Variants in SPEM3 observed in about 807,000 individuals in gnomAD.
SPEM3 encodes uncharacterized protein SPEM3.
chr17:7,431,640 T>C lies in SPEM3; in HGVS notation c.2469T>C (p.Asp823=), dbSNP rs775650109. ...AGACTGTGATCTACAAAAATCAAGA[T>C]CTCTCCCAAGCAACTGACCACCAAA... is the stretch of plus-strand genomic sequence containing the variant. ...NQETVIYKNQ[D]LSQATDHQKN... Residue 823 remains aspartate (D), a synonymous_variant, in exon 3 of 3, where the codon GAT becomes GAC. Coordinates refer to ENST00000636696, the MANE Select transcript of SPEM3 (RefSeq NM_001364708.1). 8 of 398,312 alleles carry C rather than the reference T, an allele frequency of 2.0e-5. No homozygotes were observed. The highest frequency in any genetic ancestry group is 3.5e-5 in the Non-Finnish European group (8 of 226,048). The allele number at this position is 398,312 out of a possible 1,614,324, so 24.7% of individuals were successfully genotyped here.
Position 7,430,778 on chromosome 17 carries a change from C to T in SPEM3, c.1607C>T (p.Thr536Ile). 2 of 398,668 alleles carry T rather than the reference C, an allele frequency of 5.0e-6. No individual in the cohort carries two copies. The highest frequency in any genetic ancestry group is 4.4e-6 in the Non-Finnish European group (1 of 226,118). 24.7% of individuals were successfully genotyped at this position (398,668 alleles called of 1,614,324 possible). ...GATGCCAAAGATAAGTTCCCCCAGA[C>T]CAAGACTTCCCCTTACTGCAGCTTC... is the stretch of plus-strand genomic sequence containing the variant. ...SDDAKDKFPQ[T>I]KTSPYCSFHP... The change falls in exon 3 of 3, where the codon ACC (threonine) becomes ATC (isoleucine). Residue 536 changes from threonine (T) to isoleucine (I), a missense_variant. Transcript: ENST00000636696.
In SPEM3 at chr17:7,431,963, G is replaced by GC. The variant is rs1265928244; in HGVS notation, c.2794dup (p.Leu932ProfsTer15). 7.5e-6 allele frequency: 3 copies of GC among 398,368 alleles called. No individual in the cohort carries two copies. Among genetic ancestry groups the GC allele is most frequent in the Non-Finnish European group, 1.3e-5 (3 of 226,064 alleles). The allele number at this position is 398,368 out of a possible 1,614,324, so 24.7% of individuals were successfully genotyped here. ...GATTGTGGTGGCCACAAAGTTAAAGGCCTTACTCAAGATTCCAACCTCCCA... is the reference window on the plus strand; with the variant it reads ...GATTGTGGTGGCCACAAAGTTAAAGGCCCTTACTCAAGATTCCAACCTCCCA... On this transcript the variant is annotated frameshift_variant, in exon 3 of 3. Coordinates refer to ENST00000636696, the MANE Select transcript of SPEM3 (RefSeq NM_001364708.1). LOFTEE classifies it low-confidence loss of function (END_TRUNC).
chr17:7,429,136 G>A lies in SPEM3; in HGVS notation c.139-54G>A, dbSNP rs901862937. ...GTTGGGGTGTGGCCAGATAAGAGTT[G>A]GACTTAGGGGCTCACCCTGCTTCCG... On this transcript the variant is annotated intron_variant, in intron 1 of 2. Coordinates refer to ENST00000636696, the MANE Select transcript of SPEM3 (RefSeq NM_001364708.1). The surrounding 1 kb of genome is among the most constrained non-coding windows in gnomAD (Gnocchi z 4.9). 8 of 398,504 alleles carry A rather than the reference G, an allele frequency of 2.0e-5. No homozygotes were observed. The highest frequency in any genetic ancestry group is 1.6e-4 in the African/African-American group (8 of 48,608). The allele number at this position is 398,504 out of a possible 1,614,324, so 24.7% of individuals were successfully genotyped here. A position where few individuals can be genotyped will look rare whatever the true frequency, so the allele number is the denominator to read the frequency against.
chr17:7,428,980 G>T lies in SPEM3; in HGVS notation c.78G>T (p.Ser26=). Reference sequence around the variant, plus strand: ...GGAAGTGCCAGGACTTAGGAGACTCGATTCTTCTTCTTCTGGGCAGCTTCA... The same window carrying T: ...GGAAGTGCCAGGACTTAGGAGACTCTATTCTTCTTCTTCTGGGCAGCTTCA... The part of the protein sequence containing the change: ...NPRKCQDLGD[S]ILLLLGSFIL... The change falls in exon 1 of 3, where the codon TCG becomes TCT. Residue 26 remains serine, a synonymous_variant. Transcript: ENST00000636696. The T allele has an allele frequency of 5.0e-6, 2 of 398,962 alleles. No individual in the cohort carries two copies. The highest frequency in any genetic ancestry group is 8.8e-6 in the Non-Finnish European group (2 of 226,158). 24.7% of individuals were successfully genotyped at this position (398,962 alleles called of 1,614,324 possible). A position where few individuals can be genotyped will look rare whatever the true frequency, so the allele number is the denominator to read the frequency against.
At position 7,432,495 on chromosome 17, in the gene SPEM3, A is replaced by G. The variant is rs1406700980; in HGVS notation, c.3324A>G (p.Ala1108=). 1 of 398,574 alleles carries G rather than the reference A, an allele frequency of 2.5e-6. No homozygotes were observed. Among genetic ancestry groups the G allele is most frequent in the Admixed American group, 4.4e-5 (1 of 22,714 alleles). The allele number at this position is 398,574 out of a possible 1,614,324, so 24.7% of individuals were successfully genotyped here. A position where few individuals can be genotyped will look rare whatever the true frequency, so the allele number is the denominator to read the frequency against. The change falls in exon 3 of 3, where the codon GCA becomes GCG. Residue 1108 remains alanine, a synonymous_variant. Coordinates refer to ENST00000636696, the MANE Select transcript of SPEM3 (RefSeq NM_001364708.1). This position sits in a 1 kb window ranked among gnomAD's most constrained non-coding sequence, Gnocchi z 4.1. ...AGCTGCAGTCATCCTCCTGGCGGGC[A>G]GGCAGCCAGCACGGGGCGTACCGCC... ...LIELQSSSWR[A]GSQHGAYRPV... is the part of the protein sequence containing the mutation.
Position 7,429,377 on chromosome 17 carries a change from C to T in SPEM3, c.206C>T (p.Pro69Leu). ...FRHFFPKDKQPSGSHPICICS... is the reference protein window; with the variant it reads ...FRHFFPKDKQLSGSHPICICS... ...CTACCTCTCCCTGCAGACAAGCAGC[C>T]CAGCGGCAGCCATCCCATATGTATT... The change falls in exon 3 of 3, where the codon CCC becomes CTC. Residue 69 changes from proline (P) to leucine (L), a missense_variant. Pro to Leu is a moderately conservative substitution (Grantham distance 98, BLOSUM62 -3). Coordinates refer to ENST00000636696, the MANE Select transcript of SPEM3 (RefSeq NM_001364708.1). This position sits in a 1 kb window ranked among gnomAD's most constrained non-coding sequence, Gnocchi z 4.9. 1 of 398,662 alleles carries T rather than the reference C, an allele frequency of 2.5e-6. No individual in the cohort carries two copies. The highest frequency in any genetic ancestry group is 4.4e-6 in the Non-Finnish European group (1 of 226,112). The allele number at this position is 398,662 out of a possible 1,614,324, so 24.7% of individuals were successfully genotyped here.
chr17:7,431,284 A>G lies in SPEM3; in HGVS notation c.2113A>G (p.Thr705Ala), dbSNP rs539319591. Residue 705 changes from threonine (T) to alanine (A), a missense_variant, in exon 3 of 3, where the codon ACC becomes GCC. Physicochemically the swap from Thr to Ala is moderately conservative, Grantham distance 58 (BLOSUM62 0). Coordinates refer to ENST00000636696, the MANE Select transcript of SPEM3 (RefSeq NM_001364708.1). ...AGACCTCTACAAGAACCCAGGCCTT[A>G]CCCAAGATCCAGGCCTCCACGAGAA... ...NPDLYKNPGL[T>A]QDPGLHENPG... The G allele has an allele frequency of 8.0e-5, 32 of 398,480 alleles. No individual in the cohort carries two copies. Among genetic ancestry groups the G allele is most frequent in the Non-Finnish European group, 1.2e-4 (27 of 226,042 alleles). 24.7% of individuals were successfully genotyped at this position (398,480 alleles called of 1,614,324 possible).
In SPEM3 at chr17:7,430,006, C is replaced by G; in HGVS notation, c.835C>G (p.His279Asp). The change falls in exon 3 of 3, where the codon CAC becomes GAC. Residue 279 changes from histidine (H) to aspartate (D), a missense_variant. Physicochemically the swap from His to Asp is moderately conservative, Grantham distance 81. Coordinates refer to ENST00000636696, the MANE Select transcript of SPEM3 (RefSeq NM_001364708.1). ...SAPTPAQTPA[H>D]IQAHTPAPTP... Reference sequence around the variant, plus strand: ...CCCTACCCCAGCTCAGACGCCAGCCCACATCCAAGCTCACACCCCAGCCCC... The same window carrying G: ...CCCTACCCCAGCTCAGACGCCAGCCGACATCCAAGCTCACACCCCAGCCCC... 1 of 424,582 alleles carries G rather than the reference C, an allele frequency of 2.4e-6. No individual in the cohort carries two copies. 26.3% of individuals were successfully genotyped at this position (424,582 alleles called of 1,614,324 possible).
rs1907803409 is a variant in SPEM3 at position 7,430,632 on chromosome 17, C to T, written c.1461C>T (p.Asp487=). The T allele has an allele frequency of 2.5e-6, 1 of 398,658 alleles. No homozygotes were observed. Among genetic ancestry groups the T allele is most frequent in the Non-Finnish European group, 4.4e-6 (1 of 226,126 alleles). The allele number at this position is 398,658 out of a possible 1,614,324, so 24.7% of individuals were successfully genotyped here. A position where few individuals can be genotyped will look rare whatever the true frequency, so the allele number is the denominator to read the frequency against. ...ATLFRPQEGQ[D]LVSSGISEQT... ...TCTTCAGGCCCCAAGAGGGTCAGGA[C>T]CTGGTGAGTTCTGGCATATCTGAGC... The change falls in exon 3 of 3, where the codon GAC becomes GAT. Residue 487 remains aspartate, a synonymous_variant. Transcript: ENST00000636696.
Position 7,429,147 on chromosome 17 carries a change from C to T in SPEM3, c.139-43C>T, listed in dbSNP as rs537114057. ...GCCAGATAAGAGTTGGACTTAGGGGCTCACCCTGCTTCCGGACTCACCTGC... is the reference window on the plus strand; with the variant it reads ...GCCAGATAAGAGTTGGACTTAGGGGTTCACCCTGCTTCCGGACTCACCTGC... On this transcript the variant is annotated intron_variant, in intron 1 of 2. Coordinates refer to ENST00000636696, the MANE Select transcript of SPEM3 (RefSeq NM_001364708.1). This position sits in a 1 kb window ranked among gnomAD's most constrained non-coding sequence, Gnocchi z 4.9. 3 of 398,566 alleles carry T rather than the reference C, an allele frequency of 7.5e-6. No individual in the cohort carries two copies. Among genetic ancestry groups the T allele is most frequent in the African/African-American group, 6.2e-5 (3 of 48,712 alleles). The allele number at this position is 398,566 out of a possible 1,614,324, so 24.7% of individuals were successfully genotyped here. A position where few individuals can be genotyped will look rare whatever the true frequency, so the allele number is the denominator to read the frequency against.
In SPEM3 at chr17:7,432,438, G is replaced by A. The variant is rs1317299584; in HGVS notation, c.3267G>A (p.Leu1089=). 5.0e-6 allele frequency: 2 copies of A among 398,576 alleles called. No individual in the cohort carries two copies. The highest frequency in any genetic ancestry group is 8.8e-6 in the Non-Finnish European group (2 of 226,096). The allele number at this position is 398,576 out of a possible 1,614,324, so 24.7% of individuals were successfully genotyped here. ...AGGCCCAAGTGGTCTCCAATGACCT[G>A]CAGACCTTCTCAGAGGTACCTGTAT... ...PSKAQVVSND[L]QTFSEVPVLI... Residue 1089 remains leucine (L), a synonymous_variant, in exon 3 of 3, where the codon CTG becomes CTA. Coordinates refer to ENST00000636696, the MANE Select transcript of SPEM3 (RefSeq NM_001364708.1). This position sits in a 1 kb window ranked among gnomAD's most constrained non-coding sequence, Gnocchi z 4.1.
rs1380707072 is a variant in SPEM3, at chr17:7,432,511, G to A, written c.3340G>A (p.Ala1114Thr). The change falls in exon 3 of 3, where the codon GCG (alanine) becomes ACG (threonine). Residue 1114 changes from alanine to threonine, a missense_variant. By Grantham distance (58) the Ala-to-Thr change is moderately conservative. Coordinates refer to ENST00000636696, the MANE Select transcript of SPEM3 (RefSeq NM_001364708.1). The surrounding 1 kb of genome is among the most constrained non-coding windows in gnomAD (Gnocchi z 4.1). ...CTGGCGGGCAGGCAGCCAGCACGGG[G>A]CGTACCGCCCTGTGGATACAGTTCC... ...SSWRAGSQHG[A>T]YRPVDTVPSG... The A allele has an allele frequency of 5.0e-6, 2 of 398,644 alleles. No homozygotes were observed. Among genetic ancestry groups the A allele is most frequent in the Non-Finnish European group, 8.8e-6 (2 of 226,140 alleles). The allele number at this position is 398,644 out of a possible 1,614,324, so 24.7% of individuals were successfully genotyped here.
rs1051339344 is a variant in SPEM3 at position 7,430,991 on chromosome 17, T to C, written c.1820T>C (p.Val607Ala). Residue 607 changes from valine to alanine, a missense_variant, in exon 3 of 3, where the codon GTC becomes GCC. Physicochemically the swap from Val to Ala is moderately conservative, Grantham distance 64. Coordinates refer to ENST00000636696, the MANE Select transcript of SPEM3 (RefSeq NM_001364708.1). ...SLPLVPPRSF[V>A]PPQPTNHQRP... ...CCTCTCGTTCCTCCCAGATCCTTTG[T>C]CCCTCCTCAACCCACCAACCATCAG... 1.8e-5 allele frequency: 7 copies of C among 398,788 alleles called. No homozygotes were observed. The highest frequency in any genetic ancestry group is 3.1e-5 in the Non-Finnish European group (7 of 226,320). 24.7% of individuals were successfully genotyped at this position (398,788 alleles called of 1,614,324 possible). A position where few individuals can be genotyped will look rare whatever the true frequency, so the allele number is the denominator to read the frequency against.
In SPEM3 at chr17:7,431,745, AG is replaced by A; in HGVS notation, c.2576del (p.Gly859AlafsTer169). The A allele has an allele frequency of 2.5e-6, 1 of 398,670 alleles. No homozygotes were observed. Among genetic ancestry groups the A allele is most frequent in the East Asian group, 3.6e-5 (1 of 28,084 alleles). The allele number at this position is 398,670 out of a possible 1,614,324, so 24.7% of individuals were successfully genotyped here. ...VQDPGVCSTA[G>X]LTEDSGSQKG... ...AAGATCCAGGAGTCTGTAGTACCGC[AG>A]GCCTTACTGAAGATTCTGGATCACA... On this transcript the variant is annotated frameshift_variant, in exon 3 of 3. Coordinates refer to ENST00000636696, the MANE Select transcript of SPEM3 (RefSeq NM_001364708.1). LOFTEE classifies it low-confidence loss of function (END_TRUNC).
In SPEM3 at chr17:7,430,422, C is replaced by G. The variant is rs1487382181; in HGVS notation, c.1251C>G (p.Val417=). ...TCATGGCCCTGACTACCACTCCTGT[C>G]CCTGATCCTGTCCCTGCCACCACCC... ...ALVMALTTTP[V]PDPVPATTPA... Residue 417 remains valine, a synonymous_variant, in exon 3 of 3, where the codon GTC becomes GTG. Transcript: ENST00000636696. The G allele has an allele frequency of 4.9e-6, 2 of 404,906 alleles. No individual in the cohort carries two copies. Among genetic ancestry groups the G allele is most frequent in the Non-Finnish European group, 8.7e-6 (2 of 230,244 alleles). 25.1% of individuals were successfully genotyped at this position (404,906 alleles called of 1,614,324 possible). A position where few individuals can be genotyped will look rare whatever the true frequency, so the allele number is the denominator to read the frequency against.
rs1597734922 is a variant in SPEM3 at position 7,429,738 on chromosome 17, G to T, written c.567G>T (p.Leu189=). 2 of 399,308 alleles carry T rather than the reference G, an allele frequency of 5.0e-6. No homozygotes were observed. Among genetic ancestry groups the T allele is most frequent in the Non-Finnish European group, 8.8e-6 (2 of 226,646 alleles). 24.7% of individuals were successfully genotyped at this position (399,308 alleles called of 1,614,324 possible). A position where few individuals can be genotyped will look rare whatever the true frequency, so the allele number is the denominator to read the frequency against. Residue 189 remains leucine (L), a synonymous_variant, in exon 3 of 3, where the codon CTG becomes CTT. Transcript: ENST00000636696. The surrounding 1 kb of genome is among the most constrained non-coding windows in gnomAD (Gnocchi z 4.9). Reference sequence around the variant, plus strand: ...AGTTGGACACGGGTCCATGCCACCTGCCCCAAGAGAGCAAGACTAAGACCC... The same window carrying T: ...AGTTGGACACGGGTCCATGCCACCTTCCCCAAGAGAGCAAGACTAAGACCC... The part of the protein sequence containing the change: ...MSKLDTGPCH[L]PQESKTKTPD...
chr17:7,431,315 G>A lies in SPEM3; in HGVS notation c.2144G>A (p.Gly715Asp), dbSNP rs551668044. Residue 715 changes from glycine to aspartate, a missense_variant, in exon 3 of 3, where the codon GGT (glycine) becomes GAT (aspartate). By Grantham distance (94) the Gly-to-Asp change is moderately conservative. Transcript: ENST00000636696. ...TQDPGLHENP[G>D]LAPNQGLHEF... ...GATCCAGGCCTCCACGAGAACCCAG[G>A]TCTTGCTCCAAATCAAGGCCTACAT... is the stretch of plus-strand genomic sequence containing the variant. 1 of 398,392 alleles carries A rather than the reference G, an allele frequency of 2.5e-6. No individual in the cohort carries two copies. The highest frequency in any genetic ancestry group is 3.6e-5 in the East Asian group (1 of 28,062). The allele number at this position is 398,392 out of a possible 1,614,324, so 24.7% of individuals were successfully genotyped here.
chr17:7,430,424 C>G lies in SPEM3; in HGVS notation c.1253C>G (p.Pro418Arg). ...LVMALTTTPVPDPVPATTPAP... is the reference protein window; with the variant it reads ...LVMALTTTPVRDPVPATTPAP... ...ATGGCCCTGACTACCACTCCTGTCC[C>G]TGATCCTGTCCCTGCCACCACCCCT... The change falls in exon 3 of 3, where the codon CCT becomes CGT. Residue 418 changes from proline to arginine, a missense_variant. Coordinates refer to ENST00000636696, the MANE Select transcript of SPEM3 (RefSeq NM_001364708.1). The G allele has an allele frequency of 2.5e-6, 1 of 404,880 alleles. No homozygotes were observed. The highest frequency in any genetic ancestry group is 4.3e-6 in the Non-Finnish European group (1 of 230,136). 25.1% of individuals were successfully genotyped at this position (404,880 alleles called of 1,614,324 possible). A position where few individuals can be genotyped will look rare whatever the true frequency, so the allele number is the denominator to read the frequency against.
Position 7,430,332 on chromosome 17 carries a change from T to C in SPEM3, c.1161T>C (p.Thr387=), listed in dbSNP as rs535337697. 5.5e-5 allele frequency: 23 copies of C among 418,492 alleles called. No homozygotes were observed. The highest frequency in any genetic ancestry group is 3.5e-4 in the African/African-American group (17 of 48,612). The allele number at this position is 418,492 out of a possible 1,614,324, so 25.9% of individuals were successfully genotyped here. The stretch of plus-strand genomic sequence containing the variant: ...CCGGAACTCTTGCCCCAGCCACTAC[T>C]CCTGTCCTAGCTCCAACACCAGCCC... The part of the protein sequence containing the change: ...APPGTLAPAT[T]PVLAPTPAPV... Residue 387 remains threonine, a synonymous_variant, in exon 3 of 3, where the codon ACT becomes ACC. Transcript: ENST00000636696.
Sources: allele counts gnomAD v4.1 joint callset, GRCh38; gene constraint gnomAD v4.1.1; non-coding constraint Gnocchi (gnomAD v3.1); transcripts MANE v1.5; gene names NCBI Gene and HGNC (gene_info 2026-07-23, HGNC 2026-07-21).